Variants in C4orf50 observed in about 807,000 individuals in gnomAD.
The protein encoded by C4orf50 is uncharacterized protein C4orf50.
A neutral mutation model predicts 77.2 loss-of-function variants in C4orf50; 80 were observed. That is an observed-to-expected ratio of 1.04 (90% CI 0.87 to 1.25). The LOEUF (loss-of-function observed/expected upper bound fraction) is 1.25, where lower values mean the gene tolerates loss of function less well. Among genes scored for constraint, C4orf50 ranks in the 50% most tolerant of loss-of-function variants. C4orf50 has a pLI of 0.00. For synonymous variants in C4orf50, 532 were observed against 465.3 expected (o/e 1.14, Z -1.84); for missense variants, 1,257 against 1,152.9 (o/e 1.09, Z -1.31).
intron 29 of C4orf50, among the ~76,000 whole-genome samples, chr4:5,977,021 T>C (rs1488275789): frequency 6.6e-6 from 1 of 152,182 alleles, no homozygotes; most frequent in African/African-American, 2.4e-5. Context: ...GATTTAAGAA[T>C]TCCAGGTGCC....
intron 33 of C4orf50, among the ~76,000 whole-genome samples, chr4:5,962,618 T>C (rs6446414): frequency 0.67 from 101,557 of 152,152 alleles, 34,693 homozygotes; most frequent in African/African-American, 0.74. Flanking sequence ...GGCCACATAA[T>C]GATCAGAGGG....
chr4:5,961,979 C>T (rs953472242), intron 33 of C4orf50, among the ~76,000 whole-genome samples: 12 of 152,200 alleles, frequency 7.9e-5, no homozygotes. Flanking sequence ...GAAGCTCTTC[C>T]CCAAAACCAG....
rs556517891 is a variant in C4orf50 at position 6,015,534 on chromosome 4, C to A, written c.287+2611G>T. The stretch of plus-strand genomic sequence containing the variant: ...TGTTGATGAGAAAAAAAAAGATTCC[C>A]AGCCAGGGCCACTGTCTATGTGGAG... On this transcript the variant is annotated intron_variant, in intron 23 of 33. Coordinates refer to ENST00000531445, the Ensembl canonical transcript of C4orf50. The surrounding 1 kb of genome is among the most constrained non-coding windows in gnomAD (Gnocchi z 4.4). 2.0e-5 allele frequency among the ~76,000 whole-genome samples: 3 copies of A among 152,166 alleles called. No individual in the cohort carries two copies. The South Asian group carries it at 6.2e-4, about 32-fold the overall frequency.
chr4:5,997,714 C>T (rs1157300082), intron 25 of C4orf50, among the ~76,000 whole-genome samples: 1 of 152,176 alleles, frequency 6.6e-6, no homozygotes, highest in African/African-American at 2.4e-5. Context: ...GTGTTAGAGG[C>T]CCTTCTGGGC....
chr4:5,969,630 G>A (rs567635288), intron 31 of C4orf50, among the ~76,000 whole-genome samples: 2 of 152,156 alleles, frequency 1.3e-5, no homozygotes, highest in African/African-American at 4.8e-5. Flanking sequence ...GCTGTTGGGT[G>A]CCTGTGTGTG....
intron 26 of C4orf50, 108 bp from the exon 5 acceptor site, chr4:5,993,038 C>G: frequency 2.5e-6 from 1 of 396,732 alleles, no homozygotes; most frequent in Admixed American, 4.4e-5. Flanking sequence ...GCACCCCCCC[C>G]ACCCCCGACT....
chr4:5,999,945 C>T (rs1721757113), intron 25 of C4orf50, among the ~76,000 whole-genome samples: 1 of 152,294 alleles, frequency 6.6e-6, no homozygotes, highest in Admixed American at 6.5e-5. Flanking sequence ...ACCTGCAGCT[C>T]AGTGTGACTA....
chr4:5,993,351 G>C (rs924528208), intron 26 of C4orf50, among the ~76,000 whole-genome samples: 2 of 152,218 alleles, frequency 1.3e-5, no homozygotes. Flanking sequence ...GGAAAACGCT[G>C]GTTGCATCAG....
chr4:5,927,035 C>T (rs1228145862), intron 7 of C4orf50, among the ~76,000 whole-genome samples: 10 of 152,152 alleles, frequency 6.6e-5, no homozygotes, highest in Non-Finnish European at 1.3e-4. Flanking sequence ...GAAATTCCTG[C>T]TTTTACGATG....
At chr4:5,966,659 G>GT (rs200418774) in intron 32 of C4orf50, among the ~76,000 whole-genome samples, 45,771 of 145,426 alleles carry the variant, frequency 0.31, 7,549 homozygotes, top group African/African-American at 0.4. Context: ...ATCTTAAGAG[G>GT]TTTTTTTTTT....
In C4orf50 at chr4:5,900,328, A is replaced by C. The variant is rs569299371; in HGVS notation, c.*2475-2140T>G. 6.6e-6 allele frequency: 1 copy of C among 152,132 alleles called. No individual in the cohort carries two copies. The highest frequency in any genetic ancestry group is 6.5e-5 in the Admixed American group (1 of 15,276). 9.4% of individuals were successfully genotyped at this position (152,132 alleles called of 1,614,324 possible). On this transcript the variant is annotated intron_variant, in intron 7 of 7. Coordinates refer to the C4orf50 transcript ENST00000324058. The surrounding 1 kb of genome is among the most constrained non-coding windows in gnomAD (Gnocchi z 4.3). ...AAACTCATATAATAATCTCATTCCA[A>C]AGCAATTCAAAAACCTTTGACCAGC... is the stretch of plus-strand genomic sequence containing the variant.
At chr4:6,004,791 G>C (rs988748247) in intron 25 of C4orf50, among the ~76,000 whole-genome samples, 1 of 147,060 alleles carries the variant, frequency 6.8e-6, no homozygotes, top group African/African-American at 2.5e-5. Context: ...GGTGATGGTG[G>C]TGATGGTGAT....
intron 7 of C4orf50, among the ~76,000 whole-genome samples, chr4:5,925,941 C>T (rs1717493230): frequency 6.6e-6 from 1 of 152,166 alleles, no homozygotes; most frequent in South Asian, 2.1e-4. Context: ...AAACCTGAGG[C>T]CTCACAGGGA....
chr4:5,936,579 A>AAAG (rs1386998974), intron 7 of C4orf50, among the ~76,000 whole-genome samples: 5 of 150,938 alleles, frequency 3.3e-5, no homozygotes, highest in African/African-American at 4.9e-5. Context: ...AAAAAAAAAA[A>AAAG]AAAAGAAAGA....
chr4:5,975,827 C>T (rs1720244591), intron 30 of C4orf50, 72 bp downstream of exon 8: 1 of 1,239,754 alleles, frequency 8.1e-7, no homozygotes. Flanking sequence ...GATTACATGT[C>T]TAACAGGAAA....
downstream of C4orf50, among the ~76,000 whole-genome samples, chr4:5,953,240 C>T (rs1182346136): frequency 6.6e-6 from 1 of 152,146 alleles, no homozygotes; most frequent in East Asian, 1.9e-4. Flanking sequence ...CCTAGTCAGC[C>T]GAACCCTAGC....
chr4:5,993,544 T>C (rs113903584), intron 26 of C4orf50, among the ~76,000 whole-genome samples: 12,492 of 152,210 alleles, frequency 0.082, 602 homozygotes, highest in African/African-American at 0.14. Context: ...AAGCCGGGTG[T>C]GGTGGCTCAT....
intron 28 of C4orf50, among the ~76,000 whole-genome samples, chr4:5,983,046 T>C (rs2108783721): frequency 6.6e-6 from 1 of 152,236 alleles, no homozygotes; most frequent in East Asian, 1.9e-4. Flanking sequence ...CAAAGAGTAA[T>C]ACATCAGGTG....
intron 29 of C4orf50, 57 bp from the exon 8 acceptor site, chr4:5,976,012 G>A (rs1017515166): frequency 2.1e-6 from 3 of 1,418,458 alleles, no homozygotes; most frequent in Non-Finnish European, 3.0e-6. Flanking sequence ...ACTGTCCAGA[G>A]CTTCCCCAGG....
Sources: gnomAD v4.1 joint callset for allele counts (sites outside exome capture counted in the v4.1 genomes callset) on GRCh38, gnomAD v4.1.1 for gene constraint, Gnocchi (gnomAD v3.1) non-coding constraint, MANE v1.5 for transcripts, NCBI Gene and HGNC (gene_info 2026-07-23, HGNC 2026-07-21) for gene names.